The following SLC45A1 variants were observed in gnomAD, a reference collection of about 807,000 sequenced individuals.
SLC45A1 encodes the protein solute carrier family 45 member 1.
SLC45A1 carries 28 observed loss-of-function variants against 57.6 expected under a neutral mutation model. The ratio of observed to expected loss-of-function variants is 0.49; its 90% confidence interval spans 0.36 to 0.67. The LOEUF is 0.67. SLC45A1 is among the 30% of genes least tolerant of loss of function. The pLI, the probability that SLC45A1 is intolerant of heterozygous loss-of-function variation, is 0.00. For missense variants in SLC45A1, 814 were observed against 1,041.5 expected, an observed-to-expected ratio of 0.78 and a Z score of 3.01; for synonymous variants, 459 against 471.5, an observed-to-expected ratio of 0.97 and a Z score of 0.34.
chr1:8,325,515 G>C lies in SLC45A1; in HGVS notation c.490+125G>C, dbSNP rs185940220. On this transcript the variant is annotated intron_variant, in intron 3 of 8. Coordinates refer to ENST00000471889, the MANE Select transcript of SLC45A1 (RefSeq NM_001080397.3). This position sits in a 1 kb window ranked among gnomAD's most constrained non-coding sequence, Gnocchi z 6.3. ...ACCCAGATAGCTCTGGGCCCGCACT[G>C]GTGTGAGGCAGGGAGTGCCCCGCAA... The C allele has an allele frequency of 1.4e-6, 1 of 706,790 alleles. No individual in the cohort carries two copies. The highest frequency in any genetic ancestry group is 2.4e-6 in the Non-Finnish European group (1 of 414,424). The allele number at this position is 706,790 out of a possible 1,614,324, so 43.8% of individuals were successfully genotyped here. A position where few individuals can be genotyped will look rare whatever the true frequency, so the allele number is the denominator to read the frequency against.
chr1:8,338,289 C>T (rs1640687940), intron 7 of SLC45A1, among the ~76,000 whole-genome samples: 1 of 152,224 alleles, frequency 6.6e-6, no homozygotes, highest in African/African-American at 2.4e-5. Flanking sequence ...CTGGGGGAAC[C>T]CCAAGGCCAC....
rs767140380 is a variant in SLC45A1 at position 8,324,306 on chromosome 1, G to A, written c.-24G>A. The A allele has an allele frequency of 6.2e-7, 1 of 1,604,654 alleles. No homozygotes were observed. The highest frequency in any genetic ancestry group is 1.1e-5 in the South Asian group (1 of 90,262). On this transcript the variant is annotated splice_region_variant and 5_prime_UTR_variant, in exon 2 of 9. Transcript: ENST00000471889. ...GCCTCCCCACGGGCTTTCCTCACAG[G>A]GACGCCCACCAGCCCTCCCCACGAT...
Position 8,339,708 on chromosome 1 carries a change from C to T in SLC45A1, c.1980+10C>T. On this transcript the variant is annotated intron_variant, in intron 8 of 8. Coordinates refer to ENST00000471889, the MANE Select transcript of SLC45A1 (RefSeq NM_001080397.3). ...CTATCAGAGTAAGAAGGTAAGTGCT[C>T]TCCCTTGTCTTGCTTCGGGTCTGCT... The T allele has an allele frequency of 6.2e-7, 1 of 1,612,126 alleles. No homozygotes were observed. The highest frequency in any genetic ancestry group is 1.7e-5 in the Admixed American group (1 of 60,024).
intron 1 of SLC45A1, among the ~76,000 whole-genome samples, chr1:8,320,740 A>G (rs1444614152): frequency 6.9e-6 from 1 of 144,704 alleles, no homozygotes; most frequent in Non-Finnish European, 1.5e-5. Context: ...CACACCTGCC[A>G]TATGCTGTTT....
At chr1:8,339,219 C>T (rs1640723711) in intron 7 of SLC45A1, among the ~76,000 whole-genome samples, 1 of 152,166 alleles carries the variant, frequency 6.6e-6, no homozygotes, top group Admixed American at 6.5e-5. Flanking sequence ...CTGCAGAAGC[C>T]CTGGGGGACC....
chr1:8,320,464 G>A (rs746026366), intron 1 of SLC45A1, among the ~76,000 whole-genome samples: 1 of 152,098 alleles, frequency 6.6e-6, no homozygotes, highest in African/African-American at 2.4e-5. Flanking sequence ...GCAACATGGC[G>A]AAACCCCATC....
In SLC45A1 at chr1:8,328,564, C is replaced by G. The variant is rs904519104; in HGVS notation, c.716-1645C>G. On this transcript the variant is annotated intron_variant, in intron 4 of 8. Transcript: ENST00000471889. The surrounding 1 kb of genome is among the most constrained non-coding windows in gnomAD (Gnocchi z 4.6). ...GCTAGTAAAGTTCATCTGGGCCGGGCGTGGTGGCTCATGCATGTACTCCCA... is the reference window on the plus strand; with the variant it reads ...GCTAGTAAAGTTCATCTGGGCCGGGGGTGGTGGCTCATGCATGTACTCCCA... Among the ~76,000 whole-genome samples, 1 of 152,168 alleles carries G rather than the reference C, an allele frequency of 6.6e-6. No homozygotes were observed. The highest frequency in any genetic ancestry group is 2.4e-5 in the African/African-American group (1 of 41,428).
intron 1 of SLC45A1, among the ~76,000 whole-genome samples, chr1:8,323,864 G>A (rs1038806881): frequency 1.3e-5 from 2 of 152,208 alleles, no homozygotes; most frequent in African/African-American, 2.4e-5. Context: ...GGTGCCGGGG[G>A]GGTGGTTCCT....
chr1:8,334,557 G>C (rs1170442747), intron 5 of SLC45A1, among the ~76,000 whole-genome samples: 1 of 152,140 alleles, frequency 6.6e-6, no homozygotes, highest in Non-Finnish European at 1.5e-5. Flanking sequence ...TTAAAAATTA[G>C]CCAGGTGTGG....
intron 7 of SLC45A1, 42 bp from the exon 8 acceptor site, chr1:8,339,451 C>T (rs532277337): frequency 6.2e-7 from 1 of 1,600,308 alleles, no homozygotes; most frequent in South Asian, 1.1e-5. Context: ...TCCCCGGAGG[C>T]TCTGGCCGTG....
rs1204665721 is a variant in SLC45A1 at position 8,326,937 on chromosome 1, A to G, written c.715+895A>G. Among the ~76,000 whole-genome samples, 2 of 152,198 alleles carry G rather than the reference A, an allele frequency of 1.3e-5. No individual in the cohort carries two copies. Among genetic ancestry groups the G allele is most frequent in the Non-Finnish European group, 1.5e-5 (1 of 68,026 alleles). On this transcript the variant is annotated intron_variant, in intron 4 of 8. Transcript: ENST00000471889. The surrounding 1 kb of genome is among the most constrained non-coding windows in gnomAD (Gnocchi z 5.5). ...GGAGGTTGCAGTGAACTGAGATCGC[A>G]CTATTGCACTCCAGCCTGGGCAACA...
intron 2 of SLC45A1, 67 bp downstream of exon 2, chr1:8,324,793 C>G: frequency 7.3e-7 from 1 of 1,361,204 alleles, no homozygotes; most frequent in Non-Finnish European, 9.8e-7. Flanking sequence ...ATCGCAGTAG[C>G]CTGAGGGTCC....
At chr1:8,337,301 A>T (rs868546156) in intron 6 of SLC45A1, among the ~76,000 whole-genome samples, 2 of 152,240 alleles carry the variant, frequency 1.3e-5, no homozygotes, top group Admixed American at 1.3e-4. Context: ...CCCATGATTC[A>T]ATTAGCTCTC....
At chr1:8,339,744 AC>A in intron 8 of SLC45A1, 46 bp downstream of exon 8, 1 of 1,537,148 alleles carries the variant, frequency 6.5e-7, no homozygotes, top group Non-Finnish European at 9.0e-7. Flanking sequence ...TCTTGGAGAA[AC>A]CCCACCTGAG....
Position 8,325,458 on chromosome 1 carries a change from G to A in SLC45A1, c.490+68G>A. The A allele has an allele frequency of 8.5e-7, 1 of 1,183,214 alleles. No individual in the cohort carries two copies. The highest frequency in any genetic ancestry group is 1.2e-6 in the Non-Finnish European group (1 of 810,436). The allele number at this position is 1,183,214 out of a possible 1,614,324, so 73.3% of individuals were successfully genotyped here. A position where few individuals can be genotyped will look rare whatever the true frequency, so the allele number is the denominator to read the frequency against. On this transcript the variant is annotated intron_variant, in intron 3 of 8. Coordinates refer to ENST00000471889, the MANE Select transcript of SLC45A1 (RefSeq NM_001080397.3). This position sits in a 1 kb window ranked among gnomAD's most constrained non-coding sequence, Gnocchi z 6.3. ...AAAGGCCCCAACTGCTTCCTTTTAG[G>A]AAAATTTTAAAAAATGTTGACCAAA... is the stretch of plus-strand genomic sequence containing the variant.
At position 8,337,983 on chromosome 1, in the gene SLC45A1, T is replaced by C; in HGVS notation, c.1765T>C (p.Phe589Leu). 8 of 1,613,698 alleles carry C rather than the reference T, an allele frequency of 5.0e-6. No homozygotes were observed. Among genetic ancestry groups the C allele is most frequent in the Non-Finnish European group, 6.8e-6 (8 of 1,179,892 alleles). The change falls in exon 7 of 9, where the codon TTC becomes CTC. Residue 589 changes from phenylalanine to leucine, a missense_variant. Transcript: ENST00000471889. ...GMCIYAFSAAFYSAILEKLEE... is the reference protein window; with the variant it reads ...GMCIYAFSAALYSAILEKLEE... ...GTGTATCTACGCCTTCAGTGCTGCC[T>C]TCTACTCAGGTACCCGCTGCCAGCC...
chr1:8,318,881 A>G (rs1569916155), intron 1 of SLC45A1, among the ~76,000 whole-genome samples: 1 of 152,146 alleles, frequency 6.6e-6, no homozygotes, highest in Non-Finnish European at 1.5e-5. Flanking sequence ...AAAGTGGGAA[A>G]CGGCCACGAT....
chr1:8,341,081 A>G (rs943808764), intron 8 of SLC45A1, among the ~76,000 whole-genome samples: 13 of 151,768 alleles, frequency 8.6e-5, no homozygotes, highest in South Asian at 2.1e-4. Context: ...AGTCCCAGCT[A>G]CTCGGGAGGC....
chr1:8,330,494 TCTC>T lies in SLC45A1; in HGVS notation c.1003_1005del (p.Ser336del), dbSNP rs749538925. The T allele has an allele frequency of 3.1e-6, 5 of 1,612,678 alleles. No individual in the cohort carries two copies. The South Asian group carries it at 5.5e-5, about 18-fold the overall frequency. ...CTCCCGTCGCACACGGCCACCAACT[TCTC>T]CAGCCCCATCTCGCCGCCCAGCCCC... On this transcript the variant is annotated inframe_deletion, in exon 5 of 9. Coordinates refer to ENST00000471889, the MANE Select transcript of SLC45A1 (RefSeq NM_001080397.3). The surrounding 1 kb of genome is among the most constrained non-coding windows in gnomAD (Gnocchi z 8.4).
Sources: gnomAD v4.1 joint callset for allele counts (sites outside exome capture counted in the v4.1 genomes callset) on GRCh38, gnomAD v4.1.1 for gene constraint, Gnocchi (gnomAD v3.1) non-coding constraint, MANE v1.5 for transcripts, NCBI Gene and HGNC (gene_info 2026-07-23, HGNC 2026-07-21) for gene names.